IL17D: variants seen among roughly 807,000 people sequenced by gnomAD.
IL17D encodes interleukin-17D.
Under a neutral mutation model 5.7 loss-of-function variants are expected in IL17D, and 10 were observed. The observed-to-expected ratio is 1.75, with a 90% CI of 1.08 to 2.97. The LOEUF is 2.97. Among genes scored for constraint, IL17D ranks in the 30% most tolerant of loss-of-function variants. The pLI is 0.00. For missense variants in IL17D, 354 were observed against 292.7 expected (o/e 1.21, Z -1.53); for synonymous variants, 172 against 141.7 (o/e 1.21, Z -1.52).
intron 1 of IL17D, chr13:20,713,577 T>TC (rs1036016767): frequency 6.6e-6 from 1 of 152,170 alleles, no homozygotes; most frequent in Non-Finnish European, 1.5e-5. Context: ...ATAGTTATTT[T>TC]CCCCTTACTG....
intron 1 of IL17D, chr13:20,713,863 GA>G (rs2058659030): frequency 6.6e-6 from 1 of 152,322 alleles, no homozygotes; most frequent in African/African-American, 2.4e-5. Flanking sequence ...AACTCTTCCG[GA>G]ATTAAAGAGT....
chr13:20,703,843 G>C lies in IL17D; in HGVS notation c.-159G>C. On this transcript the variant is annotated 5_prime_UTR_variant, in exon 1 of 2. Coordinates refer to ENST00000682841, the MANE Select transcript of IL17D (RefSeq NM_001385224.1). ...AGGCGGGGAGGGCGCTCTGGGGCCC[G>C]CCCGCGCGGCTCCCATCCTCCGGGC... The C allele has an allele frequency of 1.1e-5, 2 of 189,504 alleles. No individual in the cohort carries two copies. The highest frequency in any genetic ancestry group is 1.9e-5 in the Non-Finnish European group (2 of 105,892). 11.7% of individuals were successfully genotyped at this position (189,504 alleles called of 1,614,324 possible).
At chr13:20,705,425 T>G (rs1052937142) in intron 1 of IL17D, among the ~76,000 whole-genome samples, 2 of 152,090 alleles carry the variant, frequency 1.3e-5, no homozygotes, top group Admixed American at 6.5e-5. Flanking sequence ...AGTGCAGAGC[T>G]TCACCCTCAC....
chr13:20,719,476 CCACA>C (rs2058714966), intron 1 of IL17D, among the ~76,000 whole-genome samples: 1 of 151,794 alleles, frequency 6.6e-6, no homozygotes, highest in Non-Finnish European at 1.5e-5. Flanking sequence ...CCACACACAC[CCACA>C]CACCTGCCAT....
rs73435245 is a variant in IL17D, at chr13:20,709,302, G to C, written c.290+5011G>C. Among the ~76,000 whole-genome samples the C allele has an allele frequency of 4.8e-3, 729 of 152,266 alleles. 5 individuals carry two copies. Among genetic ancestry groups the C allele is most frequent in the South Asian group, 0.036 (175 of 4,828 alleles). On this transcript the variant is annotated intron_variant, in intron 1 of 1. Coordinates refer to ENST00000682841, the MANE Select transcript of IL17D (RefSeq NM_001385224.1). ...TTAAATTCACACACCCTTTAACTTAGCATTTCCCCTTCAGACACACTTGCC... is the reference window on the plus strand; with the variant it reads ...TTAAATTCACACACCCTTTAACTTACCATTTCCCCTTCAGACACACTTGCC...
intron 1 of IL17D, among the ~76,000 whole-genome samples, chr13:20,708,977 AAGAAAG>A (rs1260475751): frequency 1.7e-4 from 24 of 141,308 alleles, no homozygotes; most frequent in Non-Finnish European, 3.6e-4. Context: ...AAAAAAAAAA[AAGAAAG>A]AAAGAAAAGA....
upstream of IL17D, chr13:20,702,061 C>T (rs2058550888): frequency 6.6e-6 from 1 of 152,080 alleles, no homozygotes; most frequent in Non-Finnish European, 1.5e-5. Context: ...TTCTATGAAA[C>T]CCTCATAATG....
At chr13:20,709,291 C>T (rs1399773481) in intron 1 of IL17D, among the ~76,000 whole-genome samples, 1 of 151,996 alleles carries the variant, frequency 6.6e-6, no homozygotes, top group African/African-American at 2.4e-5. Context: ...ATTCACACAC[C>T]CTTTAACTTA....
intron 1 of IL17D, chr13:20,712,673 TAA>T (rs533898882): frequency 3.0e-4 from 41 of 136,936 alleles, no homozygotes; most frequent in Admixed American, 5.1e-4. Context: ...GTGCCGACGC[TAA>T]AAAAAAAAAA....
Position 20,716,505 on chromosome 13 carries a change from C to T in IL17D, c.291-5131C>T, listed in dbSNP as rs9579932. 0.088 allele frequency among the ~76,000 whole-genome samples: 13,412 copies of T among 152,184 alleles called. 717 individuals carry two copies. Among genetic ancestry groups the T allele is most frequent in the Non-Finnish European group, 0.12 (8,420 of 68,000 alleles). On this transcript the variant is annotated intron_variant, in intron 1 of 1. Coordinates refer to ENST00000682841, the MANE Select transcript of IL17D (RefSeq NM_001385224.1). This position sits in a 1 kb window ranked among gnomAD's most constrained non-coding sequence, Gnocchi z 4.2. ...GAAAATGTCACATGATCAGTCCTGC[C>T]GTTAGGAAATTGTGGGAAGTGCTCA...
intron 1 of IL17D, among the ~76,000 whole-genome samples, chr13:20,708,768 G>A (rs943373005): frequency 2.7e-5 from 4 of 150,658 alleles, no homozygotes; most frequent in Non-Finnish European, 5.9e-5. Flanking sequence ...GGGAGGCCGA[G>A]GCAGGAGGAT....
chr13:20,705,693 T>C (rs1274806259), intron 1 of IL17D, among the ~76,000 whole-genome samples: 1 of 151,972 alleles, frequency 6.6e-6, no homozygotes, highest in Non-Finnish European at 1.5e-5. Flanking sequence ...CGAGACCCCG[T>C]CTCTAAAATA....
chr13:20,704,187 G>A lies in IL17D; in HGVS notation c.186G>A (p.Pro62=). The change falls in exon 1 of 2, where the codon CCG becomes CCA. Residue 62 remains proline, a synonymous_variant. Transcript: ENST00000682841. ...SAFHHTLQLG[P]REQARNASCP... ...TCCACCACACGCTGCAGCTGGGGCC[G>A]CGTGAGCAGGCGCGCAACGCGAGCT... 1 of 1,370,406 alleles carries A rather than the reference G, an allele frequency of 7.3e-7. No individual in the cohort carries two copies. The highest frequency in any genetic ancestry group is 1.5e-5 in the South Asian group (1 of 66,968). The allele number at this position is 1,370,406 out of a possible 1,614,324, so 84.9% of individuals were successfully genotyped here.
At chr13:20,704,808 C>G (rs544832812) in intron 1 of IL17D, among the ~76,000 whole-genome samples, 4 of 152,060 alleles carry the variant, frequency 2.6e-5, no homozygotes, top group Non-Finnish European at 4.4e-5. Flanking sequence ...CTGGGGGGTG[C>G]GCGGTACTAT....
chr13:20,721,539 G>A (rs1282203418), intron 1 of IL17D, 97 bp from the exon 2 acceptor site: 3 of 1,034,968 alleles, frequency 2.9e-6, no homozygotes, highest in Non-Finnish European at 4.1e-6. Context: ...GGACAGGACA[G>A]TCCCCGAGGC....
chr13:20,705,516 G>A (rs995829061), intron 1 of IL17D, among the ~76,000 whole-genome samples: 2 of 152,106 alleles, frequency 1.3e-5, no homozygotes, highest in Admixed American at 6.6e-5. Flanking sequence ...GAAACATAGC[G>A]AGATCCCATT....
At chr13:20,709,860 TG>T (rs2058620707) in intron 1 of IL17D, among the ~76,000 whole-genome samples, 1 of 152,140 alleles carries the variant, frequency 6.6e-6, no homozygotes, top group Non-Finnish European at 1.5e-5. Context: ...CCAAGGGCAT[TG>T]GTTGAAGGGC....
Position 20,709,021 on chromosome 13 carries a change from G to A in IL17D, c.290+4730G>A, listed in dbSNP as rs73435244. ...AGGACCAGTGACATCATGGAAAGAT[G>A]AGCAAAGATCGGGACTGTTCCCGGG... On this transcript the variant is annotated intron_variant, in intron 1 of 1. Transcript: ENST00000682841. Among the ~76,000 whole-genome samples, 712 of 151,028 alleles carry A rather than the reference G, an allele frequency of 4.7e-3. 5 individuals carry two copies. Among genetic ancestry groups the A allele is most frequent in the South Asian group, 0.036 (171 of 4,780 alleles).
intron 1 of IL17D, among the ~76,000 whole-genome samples, chr13:20,705,593 A>T (rs2058585783): frequency 6.6e-6 from 1 of 152,184 alleles, no homozygotes; most frequent in Non-Finnish European, 1.5e-5. Flanking sequence ...GCTACTCCAG[A>T]GGCTTAAGTG....
Sources: allele counts gnomAD v4.1 joint callset (sites outside exome capture counted in the v4.1 genomes callset), GRCh38; gene constraint gnomAD v4.1.1; non-coding constraint Gnocchi (gnomAD v3.1); transcripts MANE v1.5; gene names NCBI Gene and HGNC (gene_info 2026-07-23, HGNC 2026-07-21).